The following SPATA1 variants were observed in gnomAD, a reference collection of about 807,000 sequenced individuals.
SPATA1 encodes spermatogenesis-associated protein 1.
A neutral mutation model predicts 59.6 loss-of-function variants in SPATA1; 57 were observed. That is an observed-to-expected ratio of 0.96 (90% CI 0.77 to 1.19). The LOEUF (loss-of-function observed/expected upper bound fraction) is 1.19, where lower values mean the gene tolerates loss of function less well. SPATA1 is among the 50% of genes most tolerant of loss of function. The pLI is 0.00. For missense variants in SPATA1, 448 were observed against 480.7 expected, an observed-to-expected ratio of 0.93 and a Z score of 0.64; for synonymous variants, 147 against 163.9, an observed-to-expected ratio of 0.90 and a Z score of 0.79.
At chr1:84,564,296 A>C (rs1684648215) in intron 4 of SPATA1, among the ~76,000 whole-genome samples, 2 of 152,206 alleles carry the variant, frequency 1.3e-5, no homozygotes, top group Non-Finnish European at 2.9e-5. Context: ...GGGATAAGAA[A>C]TGTGTCATCT....
intron 8 of SPATA1, among the ~76,000 whole-genome samples, chr1:84,540,671 A>C (rs1311198704): frequency 2.0e-5 from 3 of 152,216 alleles, no homozygotes; most frequent in South Asian, 4.1e-4. Context: ...ATTTTGCAAA[A>C]GATTTTTCAA....
intron 10 of SPATA1, among the ~76,000 whole-genome samples, chr1:84,546,519 T>A (rs1162662019): frequency 6.7e-6 from 1 of 149,074 alleles, no homozygotes; most frequent in Non-Finnish European, 1.5e-5. Context: ...CAAAGTTCTA[T>A]GGATAGGAAT....
At chr1:84,550,308 G>A (rs137869268) in intron 11 of SPATA1, 124 bp from the exon 12 acceptor site, 101 of 457,378 alleles carry the variant, frequency 2.2e-4, no homozygotes, top group African/African-American at 1.3e-3. Context: ...TTTACTTTAC[G>A]GAATAGGTTA....
At chr1:84,562,724 G>A (rs1684617694) in intron 4 of SPATA1, among the ~76,000 whole-genome samples, 1 of 151,912 alleles carries the variant, frequency 6.6e-6, no homozygotes, top group African/African-American at 2.4e-5. Context: ...TATTTCTTCA[G>A]GTTTCCTTTA....
intron 8 of SPATA1, among the ~76,000 whole-genome samples, chr1:84,543,919 G>A (rs1328320028): frequency 2.0e-5 from 3 of 152,136 alleles, no homozygotes; most frequent in Admixed American, 2.0e-4. Context: ...ATCATAACAG[G>A]TAACTGAGAC....
chr1:84,509,231 A>C (rs1396594749), intron 1 of SPATA1, among the ~76,000 whole-genome samples: 1 of 151,882 alleles, frequency 6.6e-6, no homozygotes, highest in Non-Finnish European at 1.5e-5. Context: ...AACATAGACC[A>C]GTAGAACAGA....
chr1:84,527,659 T>C (rs1233357926), intron 6 of SPATA1: 2 of 152,170 alleles, frequency 1.3e-5, no homozygotes, highest in Non-Finnish European at 2.9e-5. Context: ...CATTATAGAA[T>C]TCCCTGTGTC....
chr1:84,534,597 C>T (rs1683598135), intron 8 of SPATA1, among the ~76,000 whole-genome samples: 1 of 150,408 alleles, frequency 6.6e-6, no homozygotes, highest in African/African-American at 2.5e-5. Context: ...CAGTCTTAAC[C>T]ATTTTAATAA....
intron 2 of SPATA1, 43 bp downstream of exon 2, chr1:84,516,438 T>A: frequency 8.3e-7 from 1 of 1,205,214 alleles, no homozygotes; most frequent in Non-Finnish European, 1.1e-6. Context: ...AAGACCTGCT[T>A]ATCACTGTTT....
rs747539110 is a variant in SPATA1, at chr1:84,565,588, C to T, written n.443-273C>T. Among the ~76,000 whole-genome samples, 124 of 152,114 alleles carry T rather than the reference C, an allele frequency of 8.2e-4. 5 individuals are homozygous for T. The highest frequency in any genetic ancestry group is 4.9e-4 in the Non-Finnish European group (33 of 68,024). On this transcript the variant is annotated intron_variant and non_coding_transcript_variant, in intron 4 of 4. Transcript: ENST00000460286. ...TACTTAATAGTTATGCAATCATGAGCAGTTAATTCTTTTTATCTCATCTAG... is the reference window on the plus strand; with the variant it reads ...TACTTAATAGTTATGCAATCATGAGTAGTTAATTCTTTTTATCTCATCTAG...
At chr1:84,512,187 T>G (rs1570383588) in intron 1 of SPATA1, among the ~76,000 whole-genome samples, 2 of 152,234 alleles carry the variant, frequency 1.3e-5, no homozygotes, top group Admixed American at 1.3e-4. Context: ...TCATCTGTCA[T>G]AAAGTTAACT....
intron 3 of SPATA1, among the ~76,000 whole-genome samples, chr1:84,521,489 T>C (rs1683025624): frequency 6.6e-6 from 1 of 152,176 alleles, no homozygotes; most frequent in Non-Finnish European, 1.5e-5. Flanking sequence ...GTACTTTCTG[T>C]TCCTTTTGTC....
chr1:84,531,141 T>C (rs564495310), intron 6 of SPATA1, among the ~76,000 whole-genome samples: 1 of 152,292 alleles, frequency 6.6e-6, no homozygotes, highest in South Asian at 2.1e-4. Context: ...ATAGATCTTT[T>C]AGACAATCTG....
intron 8 of SPATA1, among the ~76,000 whole-genome samples, chr1:84,535,859 A>C (rs1490165284): frequency 6.6e-6 from 1 of 152,180 alleles, no homozygotes; most frequent in Admixed American, 6.5e-5. Flanking sequence ...TTGTAATGGC[A>C]ATAATAATGA....
chr1:84,531,052 T>C (rs1683444098), intron 6 of SPATA1, among the ~76,000 whole-genome samples: 1 of 152,216 alleles, frequency 6.6e-6, no homozygotes, highest in Non-Finnish European at 1.5e-5. Flanking sequence ...TTTCTTTTTA[T>C]GGGTGGGTAG....
intron 8 of SPATA1, among the ~76,000 whole-genome samples, chr1:84,535,269 T>C (rs1391993666): frequency 6.6e-6 from 1 of 152,166 alleles, no homozygotes; most frequent in Admixed American, 6.5e-5. Flanking sequence ...TGTTATCAGA[T>C]AGCGTAAGAT....
chr1:84,551,331 A>C, intron 12 of SPATA1: 1 of 924,838 alleles, frequency 1.1e-6, no homozygotes, highest in Non-Finnish European at 1.3e-6. Flanking sequence ...TAAAAAGAAA[A>C]AAGAAAATCA....
At chr1:84,548,930 G>A in exon 11 of SPATA1, 1 of 1,594,334 alleles carries the variant, frequency 6.3e-7, no homozygotes, top group African/African-American at 1.4e-5. Context: ...ATCAAGATGA[G>A]ACCAAAGAAT....
intron 4 of SPATA1, 52 bp from the exon 5 acceptor site, chr1:84,525,644 T>A: frequency 1.3e-6 from 2 of 1,499,490 alleles, no homozygotes; most frequent in South Asian, 1.3e-5. Flanking sequence ...GTAAAAATAA[T>A]TGAAAAAAAT....
Sources: gnomAD v4.1 joint callset for allele counts (sites outside exome capture counted in the v4.1 genomes callset) on GRCh38, gnomAD v4.1.1 for gene constraint, MANE v1.5 for transcripts, NCBI Gene and HGNC (gene_info 2026-07-23, HGNC 2026-07-21) for gene names.